The following PRKAR2A variants were observed in gnomAD, a reference collection of about 807,000 sequenced individuals.
PRKAR2A encodes protein kinase cAMP-dependent type II regulatory subunit alpha.
PRKAR2A carries 29 observed loss-of-function variants against 51.9 expected under a neutral mutation model. The observed-to-expected ratio is 0.56, with a 90% CI of 0.42 to 0.76. The LOEUF is 0.76. PRKAR2A is among the 30% of genes least tolerant of loss of function. The pLI, the probability that PRKAR2A is intolerant of heterozygous loss-of-function variation, is 0.00. For synonymous variants in PRKAR2A, 178 were observed against 186.2 expected (o/e 0.96, Z 0.36); for missense variants, 445 against 512.1 (o/e 0.87, Z 1.26).
chr3:48,767,757 T>C (rs2081962384), intron 6 of PRKAR2A, among the ~76,000 whole-genome samples: 2 of 150,886 alleles, frequency 1.3e-5, no homozygotes, highest in Admixed American at 1.3e-4. Flanking sequence ...ACCCCGTCTC[T>C]ACTAAAAATA....
chr3:48,763,087 GT>G (rs1401458048), intron 8 of PRKAR2A, among the ~76,000 whole-genome samples: 4 of 152,152 alleles, frequency 2.6e-5, no homozygotes, highest in African/African-American at 9.7e-5. Flanking sequence ...CTTAAACTTA[GT>G]AATTTTATTG....
intron 4 of PRKAR2A, 70 bp downstream of exon 4, chr3:48,790,474 A>T: frequency 8.8e-7 from 1 of 1,135,090 alleles, no homozygotes; most frequent in South Asian, 1.6e-5. Context: ...TAAAAATTAA[A>T]GTTTAAGTGA....
chr3:48,790,636 C>A lies in PRKAR2A; in HGVS notation c.352-9G>T, dbSNP rs1308564741. On this transcript the variant is annotated splice_polypyrimidine_tract_variant and intron_variant, in intron 3 of 10. Transcript: ENST00000265563. ...GTTTTAGGATGAATCACCTGCCAAT[C>A]CAAATAAAACCATGGAAACTGTTTT... The A allele has an allele frequency of 1.4e-6, 2 of 1,417,246 alleles. No individual in the cohort carries two copies. Among genetic ancestry groups the A allele is most frequent in the Non-Finnish European group, 1.9e-6 (2 of 1,070,110 alleles). 87.8% of individuals were successfully genotyped at this position (1,417,246 alleles called of 1,614,324 possible).
intron 1 of PRKAR2A, among the ~76,000 whole-genome samples, chr3:48,845,775 C>T (rs898889053): frequency 2.0e-5 from 3 of 151,920 alleles, no homozygotes; most frequent in African/African-American, 7.3e-5. Flanking sequence ...AGGGAGACCC[C>T]GTCTCTATAA....
Position 48,751,646 on chromosome 3 carries a change from T to C in PRKAR2A, c.1154A>G (p.Tyr385Cys), listed in dbSNP as rs769798310. 3 of 1,613,900 alleles carry C rather than the reference T, an allele frequency of 1.9e-6. No individual in the cohort carries two copies. The highest frequency in any genetic ancestry group is 2.5e-6 in the Non-Finnish European group (3 of 1,179,966). ...AAACATCTTCACCAGCTGTTCCTCA[T>C]AGTGTGAGATGTTCCTCTTCATGAT... Reference protein sequence around the residue: ...MDIMKRNISHYEEQLVKMFGS... With the variant: ...MDIMKRNISHCEEQLVKMFGS... Residue 385 changes from tyrosine to cysteine, a missense_variant, in exon 11 of 11, where the codon TAT (tyrosine) becomes TGT (cysteine). Coordinates refer to ENST00000265563, the MANE Select transcript of PRKAR2A (RefSeq NM_004157.4).
At chr3:48,836,419 T>TAAAAAAAAAA (rs548970318) in intron 1 of PRKAR2A, among the ~76,000 whole-genome samples, 9 of 56,092 alleles carry the variant, frequency 1.6e-4, no homozygotes, top group African/African-American at 3.6e-4. Flanking sequence ...AGACTCCGTC[T>TAAAAAAAAAA]AAAAAAAAAA....
intron 1 of PRKAR2A, among the ~76,000 whole-genome samples, chr3:48,842,344 T>C (rs944063976): frequency 2.0e-5 from 3 of 152,202 alleles, no homozygotes; most frequent in Non-Finnish European, 4.4e-5. Context: ...AGATATACAA[T>C]CATGTCATCT....
At chr3:48,820,951 A>G (rs1195926110) in intron 1 of PRKAR2A, among the ~76,000 whole-genome samples, 1 of 152,214 alleles carries the variant, frequency 6.6e-6, no homozygotes, top group Non-Finnish European at 1.5e-5. Flanking sequence ...GGTCCAGAAT[A>G]GAACCAATAA....
At chr3:48,768,177 C>G (rs2081968422) in intron 6 of PRKAR2A, among the ~76,000 whole-genome samples, 1 of 151,436 alleles carries the variant, frequency 6.6e-6, no homozygotes, top group Non-Finnish European at 1.5e-5. Context: ...ACTTGTGGTC[C>G]CAGTTACTGG....
chr3:48,760,963 A>G (rs1481081711), intron 8 of PRKAR2A, among the ~76,000 whole-genome samples: 2 of 151,808 alleles, frequency 1.3e-5, no homozygotes, highest in African/African-American at 4.8e-5. Context: ...TGAAGCCTGA[A>G]AGACAGAGTG....
chr3:48,746,099 A>G (rs956895166), downstream of PRKAR2A, among the ~76,000 whole-genome samples: 2 of 152,088 alleles, frequency 1.3e-5, no homozygotes, highest in Non-Finnish European at 1.5e-5. Context: ...TCTGAATCTC[A>G]GGCCTTCACA....
At chr3:48,771,340 T>TCAA (rs879828147) in intron 6 of PRKAR2A, among the ~76,000 whole-genome samples, 55 of 152,024 alleles carry the variant, frequency 3.6e-4, no homozygotes, top group African/African-American at 1.1e-3. Context: ...AGACTCTGTC[T>TCAA]CAACAACAAC....
At chr3:48,829,869 ATATT>A (rs1321171250) in intron 1 of PRKAR2A, among the ~76,000 whole-genome samples, 8 of 76,854 alleles carry the variant, frequency 1.0e-4, no homozygotes, top group East Asian at 6.0e-4. Flanking sequence ...ATATATATAT[ATATT>A]TTTTTTTTTT....
intron 8 of PRKAR2A, among the ~76,000 whole-genome samples, chr3:48,761,213 C>T (rs902061020): frequency 1.3e-5 from 2 of 151,018 alleles, no homozygotes; most frequent in South Asian, 2.1e-4. Context: ...ACCCAGGAGG[C>T]GGAGCTTGCA....
intron 1 of PRKAR2A, among the ~76,000 whole-genome samples, chr3:48,817,325 CAATAAATAAATA>C (rs10545720): frequency 0.034 from 4,694 of 139,046 alleles, 116 homozygotes; most frequent in Middle Eastern, 0.036. Context: ...GACTACGTCT[CAATAAATAAATA>C]AATAAATAAA....
chr3:48,777,382 G>C (rs2082121593), intron 5 of PRKAR2A, among the ~76,000 whole-genome samples: 1 of 152,020 alleles, frequency 6.6e-6, no homozygotes, highest in African/African-American at 2.4e-5. Flanking sequence ...ATCAGATTAT[G>C]CCTAAATTAA....
chr3:48,746,375 A>G (rs1311059731), downstream of PRKAR2A, among the ~76,000 whole-genome samples: 1 of 151,548 alleles, frequency 6.6e-6, no homozygotes, highest in East Asian at 1.9e-4. Flanking sequence ...AAAAAAAAAA[A>G]AAAGAATCTT....
Position 48,754,809 on chromosome 3 carries a change from A to C in PRKAR2A, c.939+1570T>G, listed in dbSNP as rs559180646. 3.0e-4 allele frequency among the ~76,000 whole-genome samples: 45 copies of C among 151,398 alleles called. 1 individual carries two copies. The highest frequency in any genetic ancestry group is 2.7e-3 in the Admixed American group (41 of 15,188). On this transcript the variant is annotated intron_variant, in intron 9 of 10. Transcript: ENST00000265563. ...AGAATCAAGCTACCTTCAGCTACTC[A>C]GTAGGGTGAGGCACGAGAATCGATT... is the stretch of plus-strand genomic sequence containing the variant.
At chr3:48,829,994 T>C (rs1258899818) in intron 1 of PRKAR2A, among the ~76,000 whole-genome samples, 2 of 149,224 alleles carry the variant, frequency 1.3e-5, no homozygotes, top group Non-Finnish European at 3.0e-5. Flanking sequence ...GGTCAGGAGT[T>C]TGAAACCAGC....
Sources: allele counts gnomAD v4.1 joint callset (sites outside exome capture counted in the v4.1 genomes callset), GRCh38; gene constraint gnomAD v4.1.1; transcripts MANE v1.5; gene names NCBI Gene and HGNC (gene_info 2026-07-23, HGNC 2026-07-21).